The following USP48 variants were observed in gnomAD, a reference collection of about 807,000 sequenced individuals.
The protein encoded by USP48 is ubiquitin carboxyl-terminal hydrolase 48.
Under a neutral mutation model 150.7 loss-of-function variants are expected in USP48, and 43 were observed. The observed-to-expected ratio is 0.29, with a 90% CI of 0.22 to 0.37. USP48 has a LOEUF of 0.37. Ranked by LOEUF, USP48 falls within the 10% of genes least tolerant of loss-of-function variation. The probability of loss-of-function intolerance (pLI) is 1.00; values close to 1 mark genes in which losing one functional copy is unlikely to be tolerated. For synonymous variants in USP48, 396 were observed against 425.9 expected, an observed-to-expected ratio of 0.93 and a Z score of 0.86; for missense variants, 813 against 1,249.6, an observed-to-expected ratio of 0.65 and a Z score of 5.27.
chr1:21,721,599 C>T, intron 13 of USP48, 51 bp downstream of exon 13: 1 of 1,166,328 alleles, frequency 8.6e-7, no homozygotes, highest in Non-Finnish European at 1.2e-6. Context: ...TGGTTATGAC[C>T]TCTTGAAAAC....
chr1:21,719,349 G>A (rs1386471642), intron 14 of USP48, among the ~76,000 whole-genome samples: 1 of 151,488 alleles, frequency 6.6e-6, no homozygotes, highest in Non-Finnish European at 1.5e-5. Flanking sequence ...GTTTGAAAAT[G>A]TTAATCACAG....
Position 21,703,555 on chromosome 1 carries a change from G to A in USP48, c.2579C>T (p.Thr860Ile). 1 of 1,612,736 alleles carries A rather than the reference G, an allele frequency of 6.2e-7. No individual in the cohort carries two copies. The highest frequency in any genetic ancestry group is 8.5e-7 in the Non-Finnish European group (1 of 1,179,948). The change falls in exon 21 of 27, where the codon ACT becomes ATT. Residue 860 changes from threonine (T) to isoleucine (I), a missense_variant. Thr to Ile is a moderately conservative substitution (Grantham distance 89, BLOSUM62 -1). Coordinates refer to ENST00000308271, the MANE Select transcript of USP48 (RefSeq NM_032236.8). The part of the protein sequence containing the change: ...CQQQRDLREY[T>I]QATIYVHKVV... ...TTTATGGACATAGATGGTGGCTTGA[G>A]TGTATTCACGCAGGTCCCTCTGCTG...
chr1:21,732,354 T>C (rs767465155), intron 9 of USP48, among the ~76,000 whole-genome samples: 3 of 152,170 alleles, frequency 2.0e-5, no homozygotes, highest in Non-Finnish European at 2.9e-5. Flanking sequence ...CGTGCTTTTC[T>C]AAAATGGATC....
chr1:21,770,683 T>TA (rs2097877291), intron 1 of USP48, among the ~76,000 whole-genome samples: 1 of 150,922 alleles, frequency 6.6e-6, no homozygotes, highest in Non-Finnish European at 1.5e-5. Context: ...GGTTTCACCA[T>TA]ATTGGCCAGA....
chr1:21,766,183 C>T (rs1463357659), intron 1 of USP48, among the ~76,000 whole-genome samples: 7 of 152,054 alleles, frequency 4.6e-5, no homozygotes, highest in African/African-American at 1.2e-4. Flanking sequence ...GCCTGGCCAA[C>T]GTGGCAAAAC....
intron 1 of USP48, chr1:21,781,884 T>C (rs1572084845): frequency 6.6e-6 from 1 of 152,220 alleles, no homozygotes; most frequent in Non-Finnish European, 1.5e-5. Flanking sequence ...ACCCTCCTTG[T>C]GAGACAGACG....
intron 22 of USP48, among the ~76,000 whole-genome samples, chr1:21,696,553 G>GA (rs1467296184): frequency 6.6e-6 from 1 of 152,156 alleles, no homozygotes; most frequent in Non-Finnish European, 1.5e-5. Flanking sequence ...GATTTGAGAG[G>GA]AAAAAACTGT....
At position 21,783,100 on chromosome 1, in the gene USP48, C is replaced by T. The variant is rs1190341629; in HGVS notation, c.-143G>A. The T allele has an allele frequency of 2.4e-6, 3 of 1,229,566 alleles. No homozygotes were observed. Among genetic ancestry groups the T allele is most frequent in the East Asian group, 6.4e-5 (2 of 31,414 alleles). 76.2% of individuals were successfully genotyped at this position (1,229,566 alleles called of 1,614,324 possible). A position where few individuals can be genotyped will look rare whatever the true frequency, so the allele number is the denominator to read the frequency against. ...GCAGCTGGCCAGTCAATCACCTGTG[C>T]GCGCCACTGCCGCCGCGCCCGCCCG... On this transcript the variant is annotated 5_prime_UTR_variant, in exon 1 of 27. Coordinates refer to ENST00000308271, the MANE Select transcript of USP48 (RefSeq NM_032236.8).
intron 8 of USP48, 124 bp downstream of exon 8, chr1:21,746,943 G>C (rs2097795994): frequency 3.0e-6 from 2 of 670,236 alleles, no homozygotes; most frequent in Non-Finnish European, 4.8e-6. Context: ...CCCAGACAGA[G>C]GTTCCCAGAG....
intron 1 of USP48, among the ~76,000 whole-genome samples, chr1:21,778,985 G>A (rs1012023865): frequency 3.9e-5 from 6 of 151,942 alleles, no homozygotes; most frequent in African/African-American, 1.2e-4. Context: ...GTTTCACCAC[G>A]TTAGCCAGGA....
At chr1:21,712,520 A>G (rs2097692956) in intron 15 of USP48, among the ~76,000 whole-genome samples, 1 of 152,162 alleles carries the variant, frequency 6.6e-6, no homozygotes, top group Non-Finnish European at 1.5e-5. Context: ...TTAATGAGTA[A>G]AGTGGATTTC....
intron 14 of USP48, 42 bp downstream of exon 14, chr1:21,720,994 G>T (rs199582850): frequency 2.0e-5 from 31 of 1,575,128 alleles, no homozygotes; most frequent in Non-Finnish European, 2.5e-5. Flanking sequence ...TATTTTCATG[G>T]TATAGTTTCA....
At position 21,697,471 on chromosome 1, in the gene USP48, G is replaced by A. The variant is rs546758318; in HGVS notation, c.2728-2250C>T. Reference sequence around the variant, plus strand: ...AAGGTCAGGAGATTGAGACCATCCTGGCTAACATGGTGAAACCCCGTCTCT... The same window carrying A: ...AAGGTCAGGAGATTGAGACCATCCTAGCTAACATGGTGAAACCCCGTCTCT... On this transcript the variant is annotated intron_variant, in intron 22 of 26. Coordinates refer to ENST00000308271, the MANE Select transcript of USP48 (RefSeq NM_032236.8). Among the ~76,000 whole-genome samples, 4 of 152,222 alleles carry A rather than the reference G, an allele frequency of 2.6e-5. No individual in the cohort carries two copies. The East Asian group carries it at 7.7e-4, about 29-fold the overall frequency.
intron 23 of USP48, 37 bp from the exon 24 acceptor site, chr1:21,690,136 C>A: frequency 6.4e-7 from 1 of 1,571,812 alleles, no homozygotes; most frequent in Non-Finnish European, 8.6e-7. Flanking sequence ...CCGTATAATG[C>A]AAAATACTAA....
chr1:21,778,410 T>C (rs994486094), intron 1 of USP48, among the ~76,000 whole-genome samples: 1 of 151,992 alleles, frequency 6.6e-6, no homozygotes, highest in African/African-American at 2.4e-5. Flanking sequence ...ATTGGAATCC[T>C]CATATACTGC....
rs17458515 is a variant in USP48 at position 21,757,652 on chromosome 1, T to C, written c.255+11A>G. On this transcript the variant is annotated intron_variant, in intron 2 of 26. Coordinates refer to ENST00000308271, the MANE Select transcript of USP48 (RefSeq NM_032236.8). Reference sequence around the variant, plus strand: ...CAGCATATAGCAATCGCTTAAAAAATGATGGTTTACCTTTTTTCTCCTCTC... The same window carrying C: ...CAGCATATAGCAATCGCTTAAAAAACGATGGTTTACCTTTTTTCTCCTCTC... 135,261 of 1,600,976 alleles carry C rather than the reference T, an allele frequency of 0.084. 6,193 individuals carry two copies. The highest frequency in any genetic ancestry group is 0.11 in the Middle Eastern group (664 of 6,000).
At chr1:21,753,160 C>T (rs200293887) in intron 3 of USP48, 41 bp from the exon 4 acceptor site, 158 of 1,567,978 alleles carry the variant, frequency 1.0e-4, no homozygotes, top group Non-Finnish European at 1.3e-4. Context: ...TTTTAAGGTG[C>T]TACTTTTCTT....
In USP48 at chr1:21,711,092, T is replaced by TTA. The variant is rs565940124; in HGVS notation, c.1964-4226_1964-4225dup. 6.6e-3 allele frequency among the ~76,000 whole-genome samples: 993 copies of TTA among 151,494 alleles called. 5 individuals carry two copies. The highest frequency in any genetic ancestry group is 0.011 in the Non-Finnish European group (741 of 67,832). Reference sequence around the variant, plus strand: ...TGAACCACCACACCAAAGGAATTATTTATATATATATATAAAAGACATACA... The same window carrying TTA: ...TGAACCACCACACCAAAGGAATTATTTATATATATATATATAAAAGACATACA... On this transcript the variant is annotated intron_variant, in intron 15 of 26. Transcript: ENST00000308271.
At chr1:21,718,568 T>TC (rs1306044428) in intron 14 of USP48, among the ~76,000 whole-genome samples, 17 of 151,816 alleles carry the variant, frequency 1.1e-4, no homozygotes, top group Admixed American at 1.1e-3. Flanking sequence ...CTTTTTCTTT[T>TC]TTTTTTTTGA....
Sources: gnomAD v4.1 joint callset for allele counts (sites outside exome capture counted in the v4.1 genomes callset) on GRCh38, gnomAD v4.1.1 for gene constraint, MANE v1.5 for transcripts, NCBI Gene and HGNC (gene_info 2026-07-23, HGNC 2026-07-21) for gene names.